Variants in MRPS28 observed in about 807,000 individuals in gnomAD.
The protein encoded by MRPS28 is mitochondrial ribosomal protein S28, also known as small ribosomal subunit protein bS1m.
A neutral mutation model predicts 10.8 loss-of-function variants in MRPS28; 7 were observed. The ratio of observed to expected loss-of-function variants is 0.65; its 90% CI spans 0.37 to 1.22. The LOEUF (loss-of-function observed/expected upper bound fraction) is 1.22. Among genes scored for constraint, MRPS28 ranks in the 50% most tolerant of loss-of-function variants. MRPS28 has a pLI of 0.02. For synonymous variants in MRPS28, 121 were observed against 93.3 expected, an observed-to-expected ratio of 1.30 and a Z score of -1.71; for missense variants, 265 against 232.9, an observed-to-expected ratio of 1.14 and a Z score of -0.90.
intron 2 of MRPS28, among the ~76,000 whole-genome samples, chr8:79,939,714 T>G (rs1199436502): frequency 6.6e-6 from 1 of 152,132 alleles, no homozygotes; most frequent in Non-Finnish European, 1.5e-5. Context: ...CTCACACCTG[T>G]AATCCCAGCA....
chr8:79,935,811 C>T (rs1203443890), intron 2 of MRPS28, among the ~76,000 whole-genome samples: 1 of 151,988 alleles, frequency 6.6e-6, no homozygotes, highest in East Asian at 1.9e-4. Context: ...TTGTATTTTA[C>T]ACCAAGAAAG....
intron 2 of MRPS28, among the ~76,000 whole-genome samples, chr8:79,972,552 G>A (rs913285830): frequency 5.3e-5 from 8 of 152,156 alleles, no homozygotes; most frequent in African/African-American, 1.7e-4. Context: ...TAACCACTTG[G>A]GGAACTGCCA....
chr8:79,965,764 A>G (rs558394582), intron 2 of MRPS28, among the ~76,000 whole-genome samples: 3 of 152,222 alleles, frequency 2.0e-5, no homozygotes, highest in South Asian at 2.1e-4. Flanking sequence ...CTTTAAGCAT[A>G]TAAGTGATAA....
At chr8:80,021,071 C>T (rs964895781) in intron 1 of MRPS28, among the ~76,000 whole-genome samples, 14 of 150,792 alleles carry the variant, frequency 9.3e-5, no homozygotes, top group Admixed American at 2.0e-4. Flanking sequence ...GGCACAATCT[C>T]GACTCACTGC....
rs140318797 is a variant in MRPS28, at chr8:79,950,959, C to G, written c.396-31811G>C. ...CAACCTAATATCTACCACTCCCCCCCACCTCCATTTCCTTCTTCCTGGCAT... is the reference window on the plus strand; with the variant it reads ...CAACCTAATATCTACCACTCCCCCCGACCTCCATTTCCTTCTTCCTGGCAT... On this transcript the variant is annotated intron_variant, in intron 2 of 2. Transcript: ENST00000276585. Among the ~76,000 whole-genome samples, 485 of 152,294 alleles carry G rather than the reference C, an allele frequency of 3.2e-3. 1 individual carries two copies. Among genetic ancestry groups the G allele is most frequent in the African/African-American group, 0.011 (470 of 41,562 alleles).
intron 2 of MRPS28, among the ~76,000 whole-genome samples, chr8:79,948,834 T>C (rs1360473221): frequency 6.6e-6 from 1 of 152,232 alleles, no homozygotes; most frequent in Non-Finnish European, 1.5e-5. Context: ...TGATGTATTA[T>C]ACATTTTTCA....
At chr8:79,923,054 A>C (rs933302828) in intron 2 of MRPS28, among the ~76,000 whole-genome samples, 1 of 152,174 alleles carries the variant, frequency 6.6e-6, no homozygotes, top group African/African-American at 2.4e-5. Flanking sequence ...TGATTTTAGA[A>C]ATAAATGTCC....
intron 1 of MRPS28, among the ~76,000 whole-genome samples, chr8:80,007,996 G>A (rs574343913): frequency 6.6e-6 from 1 of 152,152 alleles, no homozygotes; most frequent in African/African-American, 2.4e-5. Flanking sequence ...CAAAGCTAGA[G>A]GCATCAAGCT....
intron 1 of MRPS28, among the ~76,000 whole-genome samples, chr8:80,024,791 T>A (rs1809456792): frequency 6.6e-6 from 1 of 152,186 alleles, no homozygotes; most frequent in South Asian, 2.1e-4. Context: ...GGACTGAAAA[T>A]GGCCCCTTGT....
At chr8:79,954,999 A>G (rs1807167470) in intron 2 of MRPS28, among the ~76,000 whole-genome samples, 1 of 151,810 alleles carries the variant, frequency 6.6e-6, no homozygotes, top group Non-Finnish European at 1.5e-5. Flanking sequence ...GACTCTCTTT[A>G]GAAAAAAAAA....
At chr8:79,955,389 A>AT (rs1807179532) in intron 2 of MRPS28, among the ~76,000 whole-genome samples, 1 of 152,176 alleles carries the variant, frequency 6.6e-6, no homozygotes, top group East Asian at 1.9e-4. Flanking sequence ...TTCTGCGTGG[A>AT]TATCTCCTTA....
intron 2 of MRPS28, among the ~76,000 whole-genome samples, chr8:79,940,425 T>C (rs1172580823): frequency 1.3e-5 from 2 of 152,198 alleles, no homozygotes. Context: ...TGAGGGCTGG[T>C]AGGAAATGAT....
intron 2 of MRPS28, among the ~76,000 whole-genome samples, chr8:79,940,515 C>A (rs1303357562): frequency 9.2e-5 from 14 of 152,118 alleles, no homozygotes; most frequent in Non-Finnish European, 1.9e-4. Flanking sequence ...CTGGAAAGAA[C>A]AAATGATTAA....
chr8:79,977,741 C>T (rs950952993), intron 2 of MRPS28, among the ~76,000 whole-genome samples: 4 of 151,862 alleles, frequency 2.6e-5, no homozygotes, highest in Admixed American at 2.0e-4. Context: ...TGCTTGAACC[C>T]GGGAGGCGGA....
intron 1 of MRPS28, among the ~76,000 whole-genome samples, chr8:80,025,701 A>C (rs1809478903): frequency 6.6e-6 from 1 of 152,210 alleles, no homozygotes; most frequent in South Asian, 2.1e-4. Context: ...CACTTGTGTT[A>C]AGTGTTTTAA....
At chr8:80,010,074 G>A (rs530515699) in intron 1 of MRPS28, among the ~76,000 whole-genome samples, 3 of 152,174 alleles carry the variant, frequency 2.0e-5, no homozygotes, top group South Asian at 2.1e-4. Flanking sequence ...TTCACTTTCC[G>A]GGAATCTTTT....
At chr8:80,000,490 CT>C (rs2130152928) in intron 2 of MRPS28, among the ~76,000 whole-genome samples, 1 of 152,232 alleles carries the variant, frequency 6.6e-6, no homozygotes, top group African/African-American at 2.4e-5. Context: ...CCTCAAAAAG[CT>C]TTTATGACTG....
At chr8:79,983,541 A>G (rs972752238) in intron 2 of MRPS28, among the ~76,000 whole-genome samples, 21 of 152,198 alleles carry the variant, frequency 1.4e-4, no homozygotes, top group African/African-American at 4.1e-4. Flanking sequence ...ATTTAGACGA[A>G]TGTATAACTA....
At chr8:79,985,774 G>A (rs371133529) in intron 2 of MRPS28, among the ~76,000 whole-genome samples, 4 of 152,186 alleles carry the variant, frequency 2.6e-5, no homozygotes, top group East Asian at 1.9e-4. Flanking sequence ...TGAAATTGTG[G>A]CAATAATCAA....
Sources: gnomAD v4.1 joint callset for allele counts (sites outside exome capture counted in the v4.1 genomes callset) on GRCh38, gnomAD v4.1.1 for gene constraint, MANE v1.5 for transcripts, NCBI Gene and HGNC (gene_info 2026-07-23, HGNC 2026-07-21) for gene names.